C1orf21: variants seen among roughly 807,000 people sequenced by gnomAD.
C1orf21 encodes uncharacterized protein C1orf21.
A neutral mutation model predicts 18.7 loss-of-function variants in C1orf21; 3 were observed. The ratio of observed to expected loss-of-function variants is 0.16; its 90% CI spans 0.07 to 0.42. The LOEUF (loss-of-function observed/expected upper bound fraction) is 0.42, where lower values mean the gene tolerates loss of function less well. Among genes scored for constraint, C1orf21 ranks in the 10% least tolerant of loss-of-function variants. The pLI is 0.99. For synonymous variants in C1orf21, 41 were observed against 46.4 expected, an observed-to-expected ratio of 0.88 and a Z score of 0.47; for missense variants, 104 against 143.6, an observed-to-expected ratio of 0.72 and a Z score of 1.41.
At chr1:184,554,363 G>A (rs1021714937) in intron 3 of C1orf21, among the ~76,000 whole-genome samples, 3 of 152,140 alleles carry the variant, frequency 2.0e-5, no homozygotes, top group Non-Finnish European at 2.9e-5. Flanking sequence ...CCTCAAATCA[G>A]TGAGATGAAA....
At chr1:184,582,803 G>A (rs754825249) in intron 3 of C1orf21, among the ~76,000 whole-genome samples, 10 of 152,098 alleles carry the variant, frequency 6.6e-5, no homozygotes, top group Non-Finnish European at 1.3e-4. Flanking sequence ...GTATTAAGAA[G>A]GTGAGGTTTG....
chr1:184,419,321 C>G (rs1219134141), intron 1 of C1orf21, among the ~76,000 whole-genome samples: 2 of 152,156 alleles, frequency 1.3e-5, no homozygotes, highest in African/African-American at 4.8e-5. Context: ...CGGTGGCAGT[C>G]AAATGTTTTC....
At chr1:184,559,326 C>T (rs764612181) in intron 3 of C1orf21, among the ~76,000 whole-genome samples, 3 of 152,138 alleles carry the variant, frequency 2.0e-5, no homozygotes, top group Non-Finnish European at 4.4e-5. Context: ...CTATTCCTGC[C>T]TCACTTTCTG....
intron 3 of C1orf21, among the ~76,000 whole-genome samples, chr1:184,513,450 G>A (rs1394880693): frequency 6.6e-6 from 1 of 152,240 alleles, no homozygotes; most frequent in Non-Finnish European, 1.5e-5. Context: ...TAAATGAACA[G>A]ATGGTTTACA....
intron 3 of C1orf21, among the ~76,000 whole-genome samples, chr1:184,576,413 C>T (rs1419577171): frequency 1.3e-5 from 2 of 152,240 alleles, no homozygotes; most frequent in Non-Finnish European, 2.9e-5. Context: ...GCGTGAGCCA[C>T]CGCACCCGGC....
At chr1:184,569,345 A>G (rs1659078604) in intron 3 of C1orf21, among the ~76,000 whole-genome samples, 1 of 152,190 alleles carries the variant, frequency 6.6e-6, no homozygotes, top group Non-Finnish European at 1.5e-5. Flanking sequence ...TTCCATCATC[A>G]GTGGTCATTA....
rs1184327589 is a variant in C1orf21, at chr1:184,530,600, CTTTTTTT to C, written c.189+22930_189+22936del. ...CTTAAAAGTCTCTTTTTTCTTTTTT[CTTTTTTT>C]TTTTTTTTTTTGAGCTGGGGTTCAC... On this transcript the variant is annotated intron_variant, in intron 3 of 5. Transcript: ENST00000235307. Among the ~76,000 whole-genome samples the C allele has an allele frequency of 1.8e-3, 205 of 111,482 alleles. 1 individual carries two copies. The highest frequency in any genetic ancestry group is 6.4e-3 in the African/African-American group (184 of 28,932). 73.1% of individuals were successfully genotyped at this position (111,482 alleles called of 152,430 possible). A position where few individuals can be genotyped will look rare whatever the true frequency, so the allele number is the denominator to read the frequency against.
intron 5 of C1orf21, among the ~76,000 whole-genome samples, chr1:184,602,811 A>G (rs569042780): frequency 6.6e-6 from 1 of 152,344 alleles, no homozygotes; most frequent in African/African-American, 2.4e-5. Context: ...TATCTTCTAC[A>G]GGCAAAACAG....
chr1:184,429,101 C>T (rs764280993), intron 1 of C1orf21, among the ~76,000 whole-genome samples: 5 of 152,158 alleles, frequency 3.3e-5, no homozygotes, highest in Non-Finnish European at 7.3e-5. Flanking sequence ...CCATTAAGTG[C>T]CCAATGAGTG....
chr1:184,588,536 G>C (rs1659390616), intron 3 of C1orf21, among the ~76,000 whole-genome samples: 1 of 152,150 alleles, frequency 6.6e-6, no homozygotes, highest in African/African-American at 2.4e-5. Flanking sequence ...CTTATTACTT[G>C]TATGGTCTCA....
intron 1 of C1orf21, among the ~76,000 whole-genome samples, chr1:184,451,962 A>G (rs1166426848): frequency 3.9e-5 from 6 of 152,216 alleles, no homozygotes; most frequent in Non-Finnish European, 8.8e-5. Context: ...GTTGTTGGAA[A>G]TGAATAAAAG....
chr1:184,457,525 G>A (rs1462748904), intron 1 of C1orf21, among the ~76,000 whole-genome samples: 5 of 152,026 alleles, frequency 3.3e-5, no homozygotes, highest in East Asian at 1.9e-4. Flanking sequence ...TAAGTCTACC[G>A]CAGGCAATCT....
chr1:184,420,566 AAAAT>A (rs1030437427), intron 1 of C1orf21, among the ~76,000 whole-genome samples: 28 of 152,316 alleles, frequency 1.8e-4, no homozygotes, highest in African/African-American at 5.5e-4. Context: ...TTAGGAGGAA[AAAAT>A]AAATAGTTTG....
intron 3 of C1orf21, among the ~76,000 whole-genome samples, chr1:184,558,691 G>T (rs908864437): frequency 2.0e-5 from 3 of 152,172 alleles, no homozygotes; most frequent in Admixed American, 2.0e-4. Context: ...GTAAACTTGG[G>T]CTAGCTTCTT....
At chr1:184,503,255 A>G (rs1658004770) in intron 2 of C1orf21, among the ~76,000 whole-genome samples, 1 of 152,078 alleles carries the variant, frequency 6.6e-6, no homozygotes, top group African/African-American at 2.4e-5. Flanking sequence ...AATAATGACT[A>G]TTACATTGGA....
chr1:184,485,282 GA>G (rs1197243994), intron 2 of C1orf21, among the ~76,000 whole-genome samples: 1 of 151,812 alleles, frequency 6.6e-6, no homozygotes. Context: ...TATTTAATAT[GA>G]AAAAAGAATA....
intron 5 of C1orf21, 66 bp from the exon 6 acceptor site, chr1:184,619,452 A>T (rs1020711219): frequency 1.3e-6 from 2 of 1,535,690 alleles, no homozygotes; most frequent in Admixed American, 3.4e-5. Context: ...ATTGATTACA[A>T]GTAACTATTT....
chr1:184,502,576 A>G (rs1657993197), intron 2 of C1orf21, among the ~76,000 whole-genome samples: 1 of 152,108 alleles, frequency 6.6e-6, no homozygotes. Flanking sequence ...GAATAAGGAT[A>G]CAAAAGGCAT....
At chr1:184,463,825 G>A (rs1657345587) in intron 1 of C1orf21, among the ~76,000 whole-genome samples, 1 of 152,218 alleles carries the variant, frequency 6.6e-6, no homozygotes, top group African/African-American at 2.4e-5. Flanking sequence ...GTAGCAACAT[G>A]GATAGGTGAG....
Sources: allele counts gnomAD v4.1 joint callset (sites outside exome capture counted in the v4.1 genomes callset), GRCh38; gene constraint gnomAD v4.1.1; transcripts MANE v1.5; gene names NCBI Gene and HGNC (gene_info 2026-07-23, HGNC 2026-07-21).